Variants in LPAR6 observed in about 807,000 individuals in gnomAD.
LPAR6 encodes lysophosphatidic acid receptor 6.
Under a neutral mutation model 22.0 loss-of-function variants are expected in LPAR6, and 17 were observed. The observed-to-expected ratio is 0.77, with a 90% confidence interval of 0.53 to 1.16. The LOEUF is 1.16. LPAR6 is among the 50% of genes most tolerant of loss of function. The pLI is 0.00. For synonymous variants in LPAR6, 136 were observed against 139.8 expected, an observed-to-expected ratio of 0.97 and a Z score of 0.19; for missense variants, 384 against 406.9, an observed-to-expected ratio of 0.94 and a Z score of 0.48.
upstream of LPAR6, among the ~76,000 whole-genome samples, chr13:48,430,429 A>G (rs1861344905): frequency 6.6e-6 from 1 of 152,208 alleles, no homozygotes; most frequent in African/African-American, 2.4e-5. Flanking sequence ...TTCTGGAAAA[A>G]AATGAGCACG....
At chr13:48,422,888 C>A in intron 1 of LPAR6, 1 of 152,310 alleles carries the variant, frequency 6.6e-6, no homozygotes, top group Non-Finnish European at 1.5e-5. Flanking sequence ...CACCTATAAT[C>A]CCAACACTTT....
chr13:48,437,321 G>C (rs1193091900), intron 1 of LPAR6, among the ~76,000 whole-genome samples: 1 of 152,102 alleles, frequency 6.6e-6, no homozygotes, highest in African/African-American at 2.4e-5. Flanking sequence ...GCTTTAGAAA[G>C]AAATATACAT....
chr13:48,394,239 C>T (rs1249652211), intron 1 of LPAR6, among the ~76,000 whole-genome samples: 1 of 152,212 alleles, frequency 6.6e-6, no homozygotes, highest in African/African-American at 2.4e-5. Flanking sequence ...ATGCTTTTCC[C>T]ACAGTCTTCG....
chr13:48,394,731 A>G lies in LPAR6; in HGVS notation n.115-4919T>C, dbSNP rs183270140. Among the ~76,000 whole-genome samples the G allele has an allele frequency of 6.9e-3, 1,049 of 152,332 alleles. 20 individuals are homozygous for G. Among genetic ancestry groups the G allele is most frequent in the Non-Finnish European group, 4.5e-3 (309 of 68,026 alleles). On this transcript the variant is annotated intron_variant and non_coding_transcript_variant, in intron 1 of 1. Coordinates refer to the LPAR6 transcript ENST00000462781. ...TCTGGGCAGGGCATCTCTGAAAGAAAGGCAGCAGCCCCAGTCAGGGGCCTA... is the reference window on the plus strand; with the variant it reads ...TCTGGGCAGGGCATCTCTGAAAGAAGGGCAGCAGCCCCAGTCAGGGGCCTA...
At chr13:48,399,938 ACTCCTCCCC>A in intron 1 of LPAR6, among the ~76,000 whole-genome samples, 1 of 151,568 alleles carries the variant, frequency 6.6e-6, no homozygotes, top group Non-Finnish European at 1.5e-5. Context: ...TATTCATGTC[ACTCCTCCCC>A]ACCACACCAT....
At chr13:48,406,442 C>T (rs768127775), downstream of LPAR6, 2 of 151,940 alleles carry the variant, frequency 1.3e-5, no homozygotes, top group Non-Finnish European at 2.9e-5. Flanking sequence ...TAAGAAGAGC[C>T]CTTTAAATTG....
chr13:48,398,669 C>G (rs983607939), intron 1 of LPAR6, among the ~76,000 whole-genome samples: 6 of 151,986 alleles, frequency 3.9e-5, no homozygotes, highest in Admixed American at 3.9e-4. Flanking sequence ...TTCCAAATTC[C>G]ATACTGGTTT....
At chr13:48,420,984 C>T (rs1314198829) in intron 2 of LPAR6, among the ~76,000 whole-genome samples, 1 of 152,158 alleles carries the variant, frequency 6.6e-6, no homozygotes, top group African/African-American at 2.4e-5. Context: ...AGATTCAATG[C>T]TATCCCTATC....
At chr13:48,424,743 G>A (rs911304284) in intron 1 of LPAR6, among the ~76,000 whole-genome samples, 2 of 151,912 alleles carry the variant, frequency 1.3e-5, no homozygotes, top group African/African-American at 2.4e-5. Context: ...AGACATATAC[G>A]TGCAATTCAA....
rs141387539 is a variant in LPAR6 at position 48,394,752 on chromosome 13, G to A, written n.115-4940C>T. On this transcript the variant is annotated intron_variant and non_coding_transcript_variant, in intron 1 of 1. Transcript: ENST00000462781. Reference sequence around the variant, plus strand: ...AGAAAGGCAGCAGCCCCAGTCAGGGGCCTATAGATAAAACTCCCATCTACC... The same window carrying A: ...AGAAAGGCAGCAGCCCCAGTCAGGGACCTATAGATAAAACTCCCATCTACC... Among the ~76,000 whole-genome samples, 584 of 152,326 alleles carry A rather than the reference G, an allele frequency of 3.8e-3. 3 individuals are homozygous for A. Among genetic ancestry groups the A allele is most frequent in the Non-Finnish European group, 7.1e-3 (484 of 68,032 alleles).
Position 48,411,841 on chromosome 13 carries a change from T to TA in LPAR6, c.582dup (p.Ile195TyrfsTer11), listed in dbSNP as rs765548207. The stretch of plus-strand genomic sequence containing the variant: ...CAAGTTACATTTAAAATTAGAGGAA[T>TA]AAAAAATCCCACTATTTCGATGAAA... On this transcript the variant is annotated frameshift_variant, in exon 1 of 1. Coordinates refer to ENST00000620633, the MANE Select transcript of LPAR6 (RefSeq NM_001162498.3). LOFTEE classifies it high-confidence loss of function. 12 of 1,613,398 alleles carry TA rather than the reference T, an allele frequency of 7.4e-6. No individual in the cohort carries two copies. The highest frequency in any genetic ancestry group is 5.5e-5 in the South Asian group (5 of 91,060).
upstream of LPAR6, among the ~76,000 whole-genome samples, chr13:48,415,307 T>TC (rs576873813): frequency 1.2e-4 from 18 of 152,072 alleles, no homozygotes; most frequent in South Asian, 3.7e-3. Context: ...CTTTTTTTTT[T>TC]CTCACTCTGC....
chr13:48,393,838 A>G (rs936479723), intron 1 of LPAR6, among the ~76,000 whole-genome samples: 1 of 152,212 alleles, frequency 6.6e-6, no homozygotes, highest in African/African-American at 2.4e-5. Context: ...TAGCTGACTT[A>G]CTAATTGGAT....
At chr13:48,442,565 G>A (rs567419661) in intron 1 of LPAR6, among the ~76,000 whole-genome samples, 1 of 152,170 alleles carries the variant, frequency 6.6e-6, no homozygotes, top group South Asian at 2.1e-4. Context: ...CTTTAACAAG[G>A]TTTTTTTCCT....
At chr13:48,433,811 G>T (rs1343937237) in intron 1 of LPAR6, among the ~76,000 whole-genome samples, 1 of 151,274 alleles carries the variant, frequency 6.6e-6, no homozygotes. Flanking sequence ...CATCATCTTT[G>T]AATTAGTTTC....
chr13:48,392,926 A>G (rs1256339155), intron 1 of LPAR6, among the ~76,000 whole-genome samples: 1 of 152,192 alleles, frequency 6.6e-6, no homozygotes, highest in Non-Finnish European at 1.5e-5. Context: ...TTATCTGGAA[A>G]TAATTTGACT....
chr13:48,397,491 CA>C (rs1364994204), intron 1 of LPAR6, among the ~76,000 whole-genome samples: 4 of 151,992 alleles, frequency 2.6e-5, no homozygotes, highest in African/African-American at 9.7e-5. Context: ...CGGGGCCTGT[CA>C]GGGGGTGCGG....
At chr13:48,439,177 T>G (rs1175959201) in intron 1 of LPAR6, among the ~76,000 whole-genome samples, 5 of 152,206 alleles carry the variant, frequency 3.3e-5, no homozygotes, top group Admixed American at 1.3e-4. Flanking sequence ...CCATCACTTA[T>G]CAGCCATATA....
At chr13:48,444,550 T>G (rs1036612357) in intron 1 of LPAR6, 1 of 152,298 alleles carries the variant, frequency 6.6e-6, no homozygotes, top group African/African-American at 2.4e-5. Context: ...GAAACACACT[T>G]ACCGGTTTAT....
Sources: gnomAD v4.1 joint callset for allele counts (sites outside exome capture counted in the v4.1 genomes callset) on GRCh38, gnomAD v4.1.1 for gene constraint, MANE v1.5 for transcripts, NCBI Gene and HGNC (gene_info 2026-07-23, HGNC 2026-07-21) for gene names.